The following RBFOX1 variants were observed in gnomAD, a reference collection of about 807,000 sequenced individuals.
The protein encoded by RBFOX1 is RNA binding protein fox-1 homolog 1.
A neutral mutation model predicts 57.7 loss-of-function variants in RBFOX1; 8 were observed. The observed-to-expected ratio is 0.14, with a 90% confidence interval of 0.08 to 0.25. The LOEUF is 0.25. Ranked by LOEUF, RBFOX1 falls within the 10% of genes least tolerant of loss-of-function variation. The probability of loss-of-function intolerance (pLI) is 1.00; values close to 1 mark genes in which losing one functional copy is unlikely to be tolerated. For synonymous variants in RBFOX1, 326 were observed against 222.4 expected, an observed-to-expected ratio of 1.47 and a Z score of -4.15; for missense variants, 611 against 548.5, an observed-to-expected ratio of 1.11 and a Z score of -1.14.
At chr16:6,374,408 C>T (rs187850504) in intron 2 of RBFOX1, among the ~76,000 whole-genome samples, 1 of 152,266 alleles carries the variant, frequency 6.6e-6, no homozygotes, top group East Asian at 1.9e-4. Flanking sequence ...TCTATTTTCT[C>T]ATACTAAGAA....
chr16:7,354,684 ACT>A (rs1201283704), intron 4 of RBFOX1, among the ~76,000 whole-genome samples: 11 of 152,210 alleles, frequency 7.2e-5, no homozygotes, highest in Admixed American at 2.0e-4. Context: ...GGAAGATAGC[ACT>A]CTCTGGAAAC....
intron 1 of RBFOX1, among the ~76,000 whole-genome samples, chr16:6,207,856 T>TA (rs1231729642): frequency 1.3e-5 from 2 of 151,602 alleles, no homozygotes; most frequent in Non-Finnish European, 2.9e-5. Context: ...TCCAGCTAAT[T>TA]AAAAAAAAAT....
At chr16:6,339,178 C>G (rs140070081) in intron 2 of RBFOX1, among the ~76,000 whole-genome samples, 243 of 152,304 alleles carry the variant, frequency 1.6e-3, no homozygotes, top group African/African-American at 5.3e-3. Context: ...TGAGGAAGGC[C>G]AAGTTGACAG....
chr16:7,591,175 A>T (rs908320277), intron 7 of RBFOX1, among the ~76,000 whole-genome samples: 1 of 152,178 alleles, frequency 6.6e-6, no homozygotes, highest in African/African-American at 2.4e-5. Context: ...GAGGGGAAAG[A>T]GGGATGTGTC....
intron 2 of RBFOX1, among the ~76,000 whole-genome samples, chr16:6,363,650 A>AT (rs1447767958): frequency 6.6e-6 from 1 of 152,222 alleles, no homozygotes; most frequent in Admixed American, 6.5e-5. Context: ...ACTAAATACC[A>AT]TTTTTTAAAG....
intron 3 of RBFOX1, among the ~76,000 whole-genome samples, chr16:5,790,874 GTT>G (rs199561677): frequency 3.6e-5 from 5 of 137,812 alleles, no homozygotes; most frequent in Admixed American, 7.1e-5. Flanking sequence ...TTTTTTTTTT[GTT>G]TTTTTTTTTT....
At chr16:6,137,490 G>T (rs1423136302) in intron 1 of RBFOX1, among the ~76,000 whole-genome samples, 1 of 151,920 alleles carries the variant, frequency 6.6e-6, no homozygotes, top group African/African-American at 2.4e-5. Flanking sequence ...GTTTTTAGTA[G>T]ACACGGGGTT....
chr16:7,461,333 A>T (rs1182523502), intron 4 of RBFOX1, among the ~76,000 whole-genome samples: 1 of 151,926 alleles, frequency 6.6e-6, no homozygotes, highest in Admixed American at 6.6e-5. Context: ...ACACCCGGCT[A>T]ATTTTTGTAT....
intron 4 of RBFOX1, among the ~76,000 whole-genome samples, chr16:7,096,012 CAAAAAA>C (rs71408498): frequency 6.3e-5 from 7 of 111,500 alleles, no homozygotes; most frequent in East Asian, 5.2e-4. Flanking sequence ...GACTCTGTCT[CAAAAAA>C]AAAAAAAAAA....
At chr16:7,055,888 A>G (rs781551962) in intron 4 of RBFOX1, among the ~76,000 whole-genome samples, 3 of 152,048 alleles carry the variant, frequency 2.0e-5, no homozygotes, top group Non-Finnish European at 2.9e-5. Flanking sequence ...CTTTCATCCT[A>G]CATGTGTGGG....
chr16:7,419,754 G>A (rs959988595), intron 4 of RBFOX1, among the ~76,000 whole-genome samples: 2 of 151,954 alleles, frequency 1.3e-5, no homozygotes, highest in Non-Finnish European at 2.9e-5. Context: ...TTAATTTTCC[G>A]TGGCACCTCC....
chr16:6,998,110 T>A (rs1223837905), intron 3 of RBFOX1, among the ~76,000 whole-genome samples: 1 of 152,132 alleles, frequency 6.6e-6, no homozygotes, highest in African/African-American at 2.4e-5. Context: ...TAGTGTACAA[T>A]AGCATATGTA....
intron 4 of RBFOX1, among the ~76,000 whole-genome samples, chr16:7,422,594 C>T (rs2098553129): frequency 1.3e-5 from 2 of 152,074 alleles, no homozygotes. Context: ...TGGAGCAGTG[C>T]CTTACCCACT....
chr16:7,429,199 T>C (rs1039037986), intron 4 of RBFOX1, among the ~76,000 whole-genome samples: 2 of 152,196 alleles, frequency 1.3e-5, no homozygotes, highest in African/African-American at 4.8e-5. Flanking sequence ...AGGGGACATC[T>C]ACTGGACAGA....
intron 4 of RBFOX1, among the ~76,000 whole-genome samples, chr16:7,249,815 A>T (rs1228182928): frequency 6.9e-6 from 1 of 145,926 alleles, no homozygotes; most frequent in East Asian, 1.9e-4. Context: ...TTCTGGAGTC[A>T]GTTCCTACAA....
At chr16:6,013,019 T>C (rs2094970887) in intron 4 of RBFOX1, among the ~76,000 whole-genome samples, 1 of 152,220 alleles carries the variant, frequency 6.6e-6, no homozygotes, top group African/African-American at 2.4e-5. Context: ...CTGTCCATTG[T>C]ATTAATAGTA....
intron 4 of RBFOX1, among the ~76,000 whole-genome samples, chr16:7,235,682 C>T (rs1250946089): frequency 6.6e-6 from 1 of 152,088 alleles, no homozygotes; most frequent in Non-Finnish European, 1.5e-5. Flanking sequence ...TCAAGAATAT[C>T]CTCTTTGAGG....
In RBFOX1 at chr16:5,726,072, C is replaced by T. The variant is rs1405042687; in HGVS notation, c.318+127111C>T. On this transcript the variant is annotated intron_variant, in intron 3 of 19. Transcript: ENST00000641259. Reference sequence around the variant, plus strand: ...CTCTACTTCCTTTTTCTTTTCTCCACTTTTATTATTATTTTTTTTAATAAA... The same window carrying T: ...CTCTACTTCCTTTTTCTTTTCTCCATTTTTATTATTATTTTTTTTAATAAA... 5.3e-5 allele frequency among the ~76,000 whole-genome samples: 8 copies of T among 151,840 alleles called. No homozygotes were observed. The South Asian group carries it at 1.5e-3, about 28-fold the overall frequency.
chr16:6,353,787 C>A (rs2086811753), intron 2 of RBFOX1, among the ~76,000 whole-genome samples: 1 of 152,156 alleles, frequency 6.6e-6, no homozygotes, highest in Non-Finnish European at 1.5e-5. Context: ...TGAGGAAGAT[C>A]TGAAGGACAT....
Sources: gnomAD v4.1 joint callset for allele counts (sites outside exome capture counted in the v4.1 genomes callset) on GRCh38, gnomAD v4.1.1 for gene constraint, MANE v1.5 for transcripts, NCBI Gene and HGNC (gene_info 2026-07-23, HGNC 2026-07-21) for gene names.